The following C12orf56 variants were observed in gnomAD, a reference collection of about 807,000 sequenced individuals.
C12orf56 encodes chromosome 12 open reading frame 56.
A neutral mutation model predicts 69.9 loss-of-function variants in C12orf56; 71 were observed. The ratio of observed to expected loss-of-function variants is 1.02; its 90% CI spans 0.84 to 1.24. The LOEUF is 1.24. C12orf56 is among the 50% of genes most tolerant of loss of function. The pLI, the probability that C12orf56 is intolerant of heterozygous loss-of-function variation, is 0.00. For synonymous variants in C12orf56, 276 were observed against 274.1 expected, an observed-to-expected ratio of 1.01 and a Z score of -0.07; for missense variants, 732 against 738.5, an observed-to-expected ratio of 0.99 and a Z score of 0.10.
At chr12:64,365,314 G>C (rs943633666) in intron 1 of C12orf56, among the ~76,000 whole-genome samples, 2 of 151,640 alleles carry the variant, frequency 1.3e-5, no homozygotes, top group African/African-American at 4.8e-5. Flanking sequence ...ACAGGTGCCC[G>C]CCACCAAGCT....
At position 64,266,937 on chromosome 12, in the gene C12orf56, TAAAG is replaced by T. The variant is rs994713452; in HGVS notation, c.*242_*245del. 2 of 416,104 alleles carry T rather than the reference TAAAG, an allele frequency of 4.8e-6. No individual in the cohort carries two copies. Among genetic ancestry groups the T allele is most frequent in the Non-Finnish European group, 8.3e-6 (2 of 239,708 alleles). The allele number at this position is 416,104 out of a possible 1,614,324, so 25.8% of individuals were successfully genotyped here. A position where few individuals can be genotyped will look rare whatever the true frequency, so the allele number is the denominator to read the frequency against. On this transcript the variant is annotated 3_prime_UTR_variant, in exon 13 of 13. Coordinates refer to ENST00000543942, the MANE Select transcript of C12orf56 (RefSeq NM_001170633.2). ...GAGTGAGTTTGAAGAACTACTCTAA[TAAAG>T]AAATGGCTCTTTTGCCCAATGGCAT...
At chr12:64,353,181 G>C (rs749254072) in intron 1 of C12orf56, 125 bp from the exon 2 acceptor site, 24 of 898,830 alleles carry the variant, frequency 2.7e-5, no homozygotes, top group Non-Finnish European at 3.8e-5. Context: ...TTTTCAAAAC[G>C]GAGTCTCACC....
At chr12:64,346,804 T>C (rs2039149038) in intron 2 of C12orf56, among the ~76,000 whole-genome samples, 1 of 152,152 alleles carries the variant, frequency 6.6e-6, no homozygotes, top group South Asian at 2.1e-4. Flanking sequence ...TAACAAACAA[T>C]GTTCTTATCA....
chr12:64,266,806 C>G lies in C12orf56; in HGVS notation c.*377G>C, dbSNP rs1356758101. 1 of 285,844 alleles carries G rather than the reference C, an allele frequency of 3.5e-6. No homozygotes were observed. Among genetic ancestry groups the G allele is most frequent in the Non-Finnish European group, 6.7e-6 (1 of 149,658 alleles). 17.7% of individuals were successfully genotyped at this position (285,844 alleles called of 1,614,324 possible). On this transcript the variant is annotated 3_prime_UTR_variant, in exon 13 of 13. Transcript: ENST00000543942. ...CTATTATCAGGAGAATTTTGAGAAC[C>G]TTCTTGCTTTTGCTGCTAAGGTGGA...
Position 64,266,737 on chromosome 12 carries a change from C to A in C12orf56, c.*446G>T. 2.7e-6 allele frequency: 1 copy of A among 364,148 alleles called. No homozygotes were observed. Among genetic ancestry groups the A allele is most frequent in the East Asian group, 4.9e-5 (1 of 20,476 alleles). The allele number at this position is 364,148 out of a possible 1,614,324, so 22.6% of individuals were successfully genotyped here. On this transcript the variant is annotated 3_prime_UTR_variant, in exon 13 of 13. Coordinates refer to ENST00000543942, the MANE Select transcript of C12orf56 (RefSeq NM_001170633.2). ...GAGAAGAACTTGAATGCCCATGCCT[C>A]AGGCCCCCACACTCCCCGGCATCCT...
chr12:64,346,394 G>T (rs2135944005), intron 2 of C12orf56, among the ~76,000 whole-genome samples: 1 of 152,234 alleles, frequency 6.6e-6, no homozygotes, highest in African/African-American at 2.4e-5. Flanking sequence ...TAAAGGGTGG[G>T]TCTGCCTTCC....
Position 64,390,547 on chromosome 12 carries a change from A to G in C12orf56, c.19T>C (p.Ser7Pro). The change falls in exon 1 of 13, where the codon TCC becomes CCC. Residue 7 changes from serine (S) to proline (P), a missense_variant. Coordinates refer to ENST00000543942, the MANE Select transcript of C12orf56 (RefSeq NM_001170633.2). MASPLP[S>P]GFPARRNSRL... ...CTGTTCCTGCGCGCGGGGAAGCCGGACGGCAAGGGGCTGGCCATGCCCGGC... is the reference window on the plus strand; with the variant it reads ...CTGTTCCTGCGCGCGGGGAAGCCGGGCGGCAAGGGGCTGGCCATGCCCGGC... 1 of 1,593,956 alleles carries G rather than the reference A, an allele frequency of 6.3e-7. No homozygotes were observed. The highest frequency in any genetic ancestry group is 1.1e-5 in the South Asian group (1 of 90,736).
At chr12:64,305,524 G>A (rs896949173) in intron 5 of C12orf56, among the ~76,000 whole-genome samples, 2 of 152,090 alleles carry the variant, frequency 1.3e-5, no homozygotes, top group African/African-American at 4.8e-5. Context: ...TGGGATTACA[G>A]GCGAGCACCA....
At chr12:64,363,390 G>A (rs2039422940) in intron 1 of C12orf56, among the ~76,000 whole-genome samples, 2 of 152,178 alleles carry the variant, frequency 1.3e-5, no homozygotes, top group African/African-American at 2.4e-5. Flanking sequence ...ATTCAGCAGG[G>A]TTGGGTTGTT....
intron 12 of C12orf56, among the ~76,000 whole-genome samples, chr12:64,268,405 A>G (rs2037940483): frequency 6.6e-6 from 1 of 150,642 alleles, no homozygotes; most frequent in South Asian, 2.1e-4. Context: ...GATACATGCT[A>G]CAATGTGGAT....
At position 64,266,682 on chromosome 12, in the gene C12orf56, T is replaced by C; in HGVS notation, c.*501A>G. The C allele has an allele frequency of 1.3e-6, 1 of 796,836 alleles. No homozygotes were observed. Among genetic ancestry groups the C allele is most frequent in the Non-Finnish European group, 1.7e-6 (1 of 573,268 alleles). The allele number at this position is 796,836 out of a possible 1,614,324, so 49.4% of individuals were successfully genotyped here. On this transcript the variant is annotated 3_prime_UTR_variant, in exon 13 of 13. Transcript: ENST00000543942. ...CCTGGCATGGTTTCACCGAGAACAC[T>C]GTGCCCAAGCTGAGAAGATAAAACA...
intron 7 of C12orf56, among the ~76,000 whole-genome samples, chr12:64,285,392 C>T (rs1183916374): frequency 6.6e-6 from 1 of 152,140 alleles, no homozygotes; most frequent in Non-Finnish European, 1.5e-5. Flanking sequence ...AGCTGTCTCT[C>T]CTCCAGATAC....
rs530003000 is a variant in C12orf56, at chr12:64,296,243, G to A, written c.1113+7392C>T. ...GATTGCAATAATTGGAGGATTAAAG[G>A]TGATGCTGGTGGGGGCTCAGAGAAA... is the stretch of plus-strand genomic sequence containing the variant. On this transcript the variant is annotated intron_variant, in intron 6 of 12. Transcript: ENST00000543942. Among the ~76,000 whole-genome samples the A allele has an allele frequency of 2.6e-5, 4 of 152,318 alleles. No homozygotes were observed. The East Asian group carries it at 5.8e-4, about 22-fold the overall frequency.
intron 2 of C12orf56, among the ~76,000 whole-genome samples, chr12:64,352,099 G>GTTTTTT (rs55762803): frequency 7.4e-5 from 11 of 148,654 alleles, no homozygotes; most frequent in African/African-American, 1.3e-4. Context: ...TTTTGTTTTT[G>GTTTTTT]TTTTTTTTTT....
In C12orf56 at chr12:64,265,907, C is replaced by A. The variant is rs907660688; in HGVS notation, c.*1276G>T. Reference sequence around the variant, plus strand: ...TTAAATGGTTGTGGGAGAGCCATAACTGCTCGTAGACAATTTATCTTTCAT... The same window carrying A: ...TTAAATGGTTGTGGGAGAGCCATAAATGCTCGTAGACAATTTATCTTTCAT... On this transcript the variant is annotated 3_prime_UTR_variant, in exon 13 of 13. Transcript: ENST00000543942. 1.3e-5 allele frequency: 2 copies of A among 152,180 alleles called. No individual in the cohort carries two copies. The highest frequency in any genetic ancestry group is 2.9e-5 in the Non-Finnish European group (2 of 68,020). 9.4% of individuals were successfully genotyped at this position (152,180 alleles called of 1,614,324 possible).
chr12:64,274,870 G>A, intron 11 of C12orf56, 31 bp downstream of exon 11: 1 of 1,520,362 alleles, frequency 6.6e-7, no homozygotes, highest in Non-Finnish European at 9.1e-7. Context: ...TAGGCTTGGG[G>A]GTGATTTCGT....
At chr12:64,294,163 A>G (rs926015382) in intron 6 of C12orf56, among the ~76,000 whole-genome samples, 1 of 152,144 alleles carries the variant, frequency 6.6e-6, no homozygotes, top group Admixed American at 6.5e-5. Context: ...GATAGCTACT[A>G]TTAAAAAAAA....
At chr12:64,324,633 G>C (rs1466516078) in intron 3 of C12orf56, among the ~76,000 whole-genome samples, 2 of 152,236 alleles carry the variant, frequency 1.3e-5, no homozygotes, top group Non-Finnish European at 2.9e-5. Context: ...TTCTTGCTGG[G>C]ATGTCTAGAC....
chr12:64,306,009 A>G (rs1398589433), intron 5 of C12orf56, among the ~76,000 whole-genome samples: 5 of 152,210 alleles, frequency 3.3e-5, no homozygotes, highest in Non-Finnish European at 1.5e-5. Flanking sequence ...ACAAAAATAA[A>G]CTGTTTTTAA....
Sources: gnomAD v4.1 joint callset for allele counts (sites outside exome capture counted in the v4.1 genomes callset) on GRCh38, gnomAD v4.1.1 for gene constraint, MANE v1.5 for transcripts, NCBI Gene and HGNC (gene_info 2026-07-23, HGNC 2026-07-21) for gene names.